RASSF4: variants seen among roughly 807,000 people sequenced by gnomAD.
RASSF4 encodes the protein Ras association domain family member 4, also known as ras association domain-containing protein 4.
RASSF4 carries 38 observed loss-of-function variants against 41.1 expected under a neutral mutation model. The observed-to-expected ratio is 0.92, with a 90% confidence interval of 0.71 to 1.21. RASSF4 has a LOEUF of 1.21. RASSF4 is among the 50% of genes most tolerant of loss of function. The pLI, the probability that RASSF4 is intolerant of heterozygous loss-of-function variation, is 0.00. For missense variants in RASSF4, 414 were observed against 419.4 expected, an observed-to-expected ratio of 0.99 and a Z score of 0.11; for synonymous variants, 179 against 163.4, an observed-to-expected ratio of 1.10 and a Z score of -0.73.
intron 1 of RASSF4, among the ~76,000 whole-genome samples, chr10:44,962,842 A>G (rs981296488): frequency 6.6e-6 from 1 of 152,062 alleles, no homozygotes; most frequent in Non-Finnish European, 1.5e-5. Flanking sequence ...GAGGACTGGA[A>G]ATGGTTTTCT....
At chr10:44,973,622 A>G (rs1453544503) in intron 3 of RASSF4, among the ~76,000 whole-genome samples, 1 of 152,362 alleles carries the variant, frequency 6.6e-6, no homozygotes, top group East Asian at 1.9e-4. Context: ...CCAAGTTTTA[A>G]GGAGCCCTCC....
chr10:44,960,875 A>G (rs1157780786), intron 1 of RASSF4, among the ~76,000 whole-genome samples: 1 of 149,914 alleles, frequency 6.7e-6, no homozygotes, highest in African/African-American at 2.5e-5. Context: ...GGTGTCAATC[A>G]GGATTTGTTG....
At position 44,991,986 on chromosome 10, in the gene RASSF4, A is replaced by T; in HGVS notation, c.889A>T (p.Ile297Phe). The T allele has an allele frequency of 6.2e-7, 1 of 1,606,858 alleles. No homozygotes were observed. Among genetic ancestry groups the T allele is most frequent in the Non-Finnish European group, 8.5e-7 (1 of 1,173,510 alleles). Residue 297 changes from isoleucine to phenylalanine, a missense_variant, in exon 10 of 11, where the codon ATC (isoleucine) becomes TTC (phenylalanine). Transcript: ENST00000340258. ...AAAAGAAGAGGAAGAAAGAGAAATA[A>T]TCAAACTGACCATGAAGTAAGCAGC... ...KLKEEEEREI[I>F]KLTMKFQALR...
At position 44,990,973 on chromosome 10, in the gene RASSF4, G is replaced by A. The variant is rs1842087968; in HGVS notation, c.711G>A (p.Glu237=). 2.5e-6 allele frequency: 4 copies of A among 1,613,622 alleles called. No individual in the cohort carries two copies. Among genetic ancestry groups the A allele is most frequent in the Admixed American group, 1.7e-5 (1 of 60,002 alleles). The stretch of plus-strand genomic sequence containing the variant: ...AGCGGACAAAATTAAAAGACTGCGA[G>A]TACCCGCTGATTTCCAGAATCCTGC... ...SGERTKLKDC[E]YPLISRILHG... The change falls in exon 9 of 11, where the codon GAG becomes GAA. Residue 237 remains glutamate, a synonymous_variant. Transcript: ENST00000340258.
intron 1 of RASSF4, among the ~76,000 whole-genome samples, chr10:44,965,421 A>C (rs1840863754): frequency 1.3e-5 from 2 of 152,354 alleles, no homozygotes; most frequent in South Asian, 4.1e-4. Flanking sequence ...TTTCCCACTG[A>C]AGACACTCTG....
intron 3 of RASSF4, among the ~76,000 whole-genome samples, chr10:44,973,321 C>T (rs1287108580): frequency 2.6e-5 from 4 of 152,172 alleles, no homozygotes; most frequent in African/African-American, 9.7e-5. Context: ...GGTGAGTCCT[C>T]GGTCCTGAGC....
chr10:44,980,179 T>C (rs766864431), intron 3 of RASSF4, among the ~76,000 whole-genome samples: 64 of 152,298 alleles, frequency 4.2e-4, no homozygotes, highest in Non-Finnish European at 8.2e-4. Flanking sequence ...CCCAAGTTCT[T>C]GAATTCTAGG....
intron 3 of RASSF4, among the ~76,000 whole-genome samples, chr10:44,980,143 C>T (rs1841641761): frequency 1.3e-5 from 2 of 152,074 alleles, no homozygotes; most frequent in African/African-American, 4.8e-5. Context: ...CCCAGACTCC[C>T]TAGGCAAGCA....
At chr10:44,978,244 G>T in intron 3 of RASSF4, 1 of 550,846 alleles carries the variant, frequency 1.8e-6, no homozygotes, top group African/African-American at 1.9e-5. Context: ...AACCCCAAAG[G>T]CTTAAGATTT....
intron 1 of RASSF4, among the ~76,000 whole-genome samples, chr10:44,964,125 G>A (rs931786159): frequency 2.0e-4 from 31 of 152,272 alleles, no homozygotes; most frequent in African/African-American, 7.2e-4. Flanking sequence ...AGCCCTCGGC[G>A]GCCTTTGTCC....
intron 3 of RASSF4, 70 bp downstream of exon 3, chr10:44,971,918 C>T: frequency 9.1e-7 from 1 of 1,094,396 alleles, no homozygotes. Flanking sequence ...CCTGTTGTTT[C>T]AGGGTAATGA....
chr10:44,960,689 A>G (rs1399852152), intron 1 of RASSF4, among the ~76,000 whole-genome samples: 1 of 152,208 alleles, frequency 6.6e-6, no homozygotes, highest in Non-Finnish European at 1.5e-5. Context: ...CTTAAAACAC[A>G]GTAAGGACAG....
intron 1 of RASSF4, among the ~76,000 whole-genome samples, chr10:44,965,013 A>AT (rs1317103286): frequency 2.0e-5 from 3 of 152,242 alleles, no homozygotes; most frequent in African/African-American, 7.2e-5. Context: ...AACCAGAGAG[A>AT]CCAAGTGACT....
intron 6 of RASSF4, among the ~76,000 whole-genome samples, chr10:44,985,602 G>T (rs967983605): frequency 1.3e-5 from 2 of 152,238 alleles, no homozygotes; most frequent in African/African-American, 4.8e-5. Flanking sequence ...GGAAATGCAA[G>T]CCGAGATTTC....
chr10:44,973,737 G>T (rs889013701), intron 3 of RASSF4, among the ~76,000 whole-genome samples: 2 of 152,228 alleles, frequency 1.3e-5, no homozygotes, highest in African/African-American at 4.8e-5. Flanking sequence ...AGTTGTCGGG[G>T]GCAGGGGCGC....
chr10:44,984,113 G>A lies in RASSF4; in HGVS notation c.373G>A (p.Gly125Arg), dbSNP rs1423283166. 2 of 1,596,384 alleles carry A rather than the reference G, an allele frequency of 1.3e-6. No homozygotes were observed. Among genetic ancestry groups the A allele is most frequent in the Non-Finnish European group, 1.7e-6 (2 of 1,171,870 alleles). ...GGCTGAGAGTTCCACAGACAGCTCGGGTAAGCGGAGCCCGCAAGCTGCCCA... is the reference window on the plus strand; with the variant it reads ...GGCTGAGAGTTCCACAGACAGCTCGAGTAAGCGGAGCCCGCAAGCTGCCCA... ...HKAESSTDSS[G>R]PLEEAEEAPQ... Residue 125 changes from glycine to arginine, a missense_variant and splice_region_variant, in exon 5 of 11, where the codon GGG (glycine) becomes AGG (arginine). Physicochemically the swap from Gly to Arg is moderately radical, Grantham distance 125 (BLOSUM62 -2). Transcript: ENST00000340258.
rs148901129 is a variant in RASSF4, at chr10:44,982,576, G to C, written c.194G>C (p.Arg65Pro). ...GLLNIAWGLR[R>P]PIRLQMQDDR... is the part of the protein sequence containing the mutation. ...CTCAACATTGCCTGGGGGCTGAGGCGGCCCATCCGGCTGCAGATGCAGGAT... is the reference window on the plus strand; with the variant it reads ...CTCAACATTGCCTGGGGGCTGAGGCCGCCCATCCGGCTGCAGATGCAGGAT... The change falls in exon 4 of 11, where the codon CGG (arginine) becomes CCG (proline). Residue 65 changes from arginine to proline, a missense_variant. Physicochemically the swap from Arg to Pro is moderately radical, Grantham distance 103 (BLOSUM62 -2). Coordinates refer to ENST00000340258, the MANE Select transcript of RASSF4 (RefSeq NM_032023.4). The C allele has an allele frequency of 1.9e-6, 3 of 1,612,454 alleles. No individual in the cohort carries two copies. Among genetic ancestry groups the C allele is most frequent in the Non-Finnish European group, 2.5e-6 (3 of 1,179,276 alleles).
Position 44,991,010 on chromosome 10 carries a change from GAGA to G in RASSF4, c.752_754del (p.Lys251del), listed in dbSNP as rs1318084355. The G allele has an allele frequency of 6.2e-7, 1 of 1,613,742 alleles. No homozygotes were observed. The highest frequency in any genetic ancestry group is 1.3e-5 in the African/African-American group (1 of 74,942). On this transcript the variant is annotated inframe_deletion, in exon 9 of 11. Coordinates refer to ENST00000340258, the MANE Select transcript of RASSF4 (RefSeq NM_032023.4). ...TTCCAGAATCCTGCATGGGCCATGT[GAGA>G]AGATCGCCAGGATCTTCCTGATGGA...
At chr10:44,991,662 T>C (rs1458628263) in intron 9 of RASSF4, among the ~76,000 whole-genome samples, 2 of 152,182 alleles carry the variant, frequency 1.3e-5, no homozygotes, top group African/African-American at 4.8e-5. Flanking sequence ...TACTGAATGC[T>C]CTTCCTAATA....
Sources: gnomAD v4.1 joint callset for allele counts (sites outside exome capture counted in the v4.1 genomes callset) on GRCh38, gnomAD v4.1.1 for gene constraint, MANE v1.5 for transcripts, NCBI Gene and HGNC (gene_info 2026-07-23, HGNC 2026-07-21) for gene names.